The following ATRNL1 variants were observed in gnomAD, a reference collection of about 807,000 sequenced individuals.
ATRNL1 encodes attractin-like protein 1.
A neutral mutation model predicts 182.7 loss-of-function variants in ATRNL1; 95 were observed. The observed-to-expected ratio is 0.52, with a 90% CI of 0.44 to 0.62. The LOEUF (loss-of-function observed/expected upper bound fraction) is 0.62. Ranked by LOEUF, ATRNL1 falls within the 20% of genes least tolerant of loss-of-function variation. The pLI, the probability that ATRNL1 is intolerant of heterozygous loss-of-function variation, is 0.00. For synonymous variants in ATRNL1, 576 were observed against 568.3 expected (o/e 1.01, Z -0.19); for missense variants, 1,471 against 1,679.5 (o/e 0.88, Z 2.17).
At chr10:115,892,084 T>G (rs1952093211) in intron 28 of ATRNL1, among the ~76,000 whole-genome samples, 1 of 152,176 alleles carries the variant, frequency 6.6e-6, no homozygotes, top group Non-Finnish European at 1.5e-5. Flanking sequence ...TTTCAAATAT[T>G]TTGGGGTTTT....
At chr10:115,940,931 T>C (rs1953713322) in intron 28 of ATRNL1, among the ~76,000 whole-genome samples, 1 of 152,228 alleles carries the variant, frequency 6.6e-6, no homozygotes, top group Non-Finnish European at 1.5e-5. Flanking sequence ...ATTATGATTA[T>C]TATCCTGTTC....
At chr10:115,638,853 A>G (rs1333497006) in intron 26 of ATRNL1, among the ~76,000 whole-genome samples, 1 of 152,172 alleles carries the variant, frequency 6.6e-6, no homozygotes, top group Non-Finnish European at 1.5e-5. Context: ...AATAGTATTC[A>G]CTCTGCAGAT....
chr10:115,472,557 AT>A (rs1554972352), intron 24 of ATRNL1, among the ~76,000 whole-genome samples: 1 of 150,846 alleles, frequency 6.6e-6, no homozygotes, highest in East Asian at 1.9e-4. Context: ...CAGGCCTTTC[AT>A]TTCCTTGGTT....
intron 10 of ATRNL1, among the ~76,000 whole-genome samples, chr10:115,245,599 A>G (rs1371242484): frequency 6.6e-6 from 1 of 151,936 alleles, no homozygotes; most frequent in African/African-American, 2.4e-5. Context: ...GTATACATAT[A>G]TAATAGATAT....
At chr10:115,455,664 A>G (rs1554968567) in intron 21 of ATRNL1, among the ~76,000 whole-genome samples, 2 of 152,214 alleles carry the variant, frequency 1.3e-5, no homozygotes. Flanking sequence ...GAGCTTCTGC[A>G]CAGCAAAAGA....
intron 22 of ATRNL1, among the ~76,000 whole-genome samples, chr10:115,464,642 T>C (rs1177996014): frequency 6.6e-6 from 1 of 151,960 alleles, no homozygotes; most frequent in Non-Finnish European, 1.5e-5. Flanking sequence ...TTATAGGTTT[T>C]TTAAATATCA....
chr10:115,922,875 G>A (rs898868129), intron 28 of ATRNL1, among the ~76,000 whole-genome samples: 11 of 152,090 alleles, frequency 7.2e-5, no homozygotes, highest in Admixed American at 2.6e-4. Context: ...AAGACCCAGT[G>A]GGATCAAAAG....
rs1342577947 is a variant in ATRNL1, at chr10:115,350,154, G to T, written c.3175+15735G>T. On this transcript the variant is annotated intron_variant, in intron 19 of 28. Transcript: ENST00000355044. ...AGATTGAGACCATCCTGGCCAACAT[G>T]GTGAAACCCCATCTCTACTAAAAAT... 2.0e-5 allele frequency among the ~76,000 whole-genome samples: 3 copies of T among 151,760 alleles called. No homozygotes were observed. In the South Asian group the frequency reaches 6.3e-4, roughly 32 times the overall value.
At chr10:115,630,512 A>G (rs1213863343) in intron 26 of ATRNL1, among the ~76,000 whole-genome samples, 2 of 151,778 alleles carry the variant, frequency 1.3e-5, no homozygotes, top group African/African-American at 2.4e-5. Context: ...ACTTCTGGGT[A>G]TATATTCAAA....
intron 17 of ATRNL1, among the ~76,000 whole-genome samples, chr10:115,314,808 CAAAA>C (rs1854210926): frequency 6.6e-6 from 1 of 151,960 alleles, no homozygotes; most frequent in South Asian, 2.1e-4. Flanking sequence ...AATCAAAAAA[CAAAA>C]AGACAAAAAA....
intron 9 of ATRNL1, among the ~76,000 whole-genome samples, chr10:115,231,707 C>G (rs983799934): frequency 6.6e-6 from 1 of 152,090 alleles, no homozygotes; most frequent in East Asian, 1.9e-4. Flanking sequence ...AGAGCATGGG[C>G]ACTTTATTCA....
chr10:115,177,695 G>T (rs782604422), intron 8 of ATRNL1, among the ~76,000 whole-genome samples: 33 of 151,854 alleles, frequency 2.2e-4, no homozygotes, highest in Middle Eastern at 3.2e-3. Context: ...TGCCTGTCTC[G>T]CACTCCTGAC....
chr10:115,809,114 A>G (rs1358275520), intron 27 of ATRNL1, among the ~76,000 whole-genome samples: 1 of 152,056 alleles, frequency 6.6e-6, no homozygotes, highest in Non-Finnish European at 1.5e-5. Flanking sequence ...GGATTACCTT[A>G]ACCACTTTGT....
chr10:115,260,210 GA>G (rs1851336907), intron 10 of ATRNL1, among the ~76,000 whole-genome samples: 1 of 152,106 alleles, frequency 6.6e-6, no homozygotes, highest in Admixed American at 6.5e-5. Context: ...CAAAACAAAA[GA>G]AAACCAGAAC....
intron 26 of ATRNL1, among the ~76,000 whole-genome samples, chr10:115,621,274 TATAG>T (rs781976664): frequency 1.0e-4 from 5 of 48,238 alleles, no homozygotes; most frequent in African/African-American, 2.8e-4. Context: ...TATATATATA[TATAG>T]AGAGAGAGAG....
intron 26 of ATRNL1, among the ~76,000 whole-genome samples, chr10:115,644,941 G>A (rs527257094): frequency 5.1e-4 from 78 of 152,038 alleles, no homozygotes; most frequent in African/African-American, 1.6e-3. Flanking sequence ...AAAATTTCTC[G>A]TGAAATAGTT....
intron 21 of ATRNL1, among the ~76,000 whole-genome samples, chr10:115,434,198 A>G (rs2134423128): frequency 6.6e-6 from 1 of 152,296 alleles, no homozygotes; most frequent in African/African-American, 2.4e-5. Flanking sequence ...TGTTTTTCTT[A>G]TAGATATATA....
intron 8 of ATRNL1, among the ~76,000 whole-genome samples, chr10:115,200,797 C>T (rs1285580913): frequency 6.9e-5 from 10 of 145,462 alleles, no homozygotes; most frequent in African/African-American, 2.6e-4. Context: ...CCTGAGGAAT[C>T]GCCACACTGA....
At chr10:115,863,022 G>T (rs1026774136) in intron 28 of ATRNL1, among the ~76,000 whole-genome samples, 3 of 152,106 alleles carry the variant, frequency 2.0e-5, no homozygotes, top group Non-Finnish European at 4.4e-5. Context: ...ACTCATTTTT[G>T]CAAAAGATGT....
Sources: gnomAD v4.1 joint callset for allele counts (sites outside exome capture counted in the v4.1 genomes callset) on GRCh38, gnomAD v4.1.1 for gene constraint, MANE v1.5 for transcripts, NCBI Gene and HGNC (gene_info 2026-07-23, HGNC 2026-07-21) for gene names.